MFSD2B: variants seen among roughly 807,000 people sequenced by gnomAD.
MFSD2B encodes the protein sphingosine-1-phosphate transporter MFSD2B.
MFSD2B carries 56 observed loss-of-function variants against 58.4 expected under a neutral mutation model. The observed-to-expected ratio is 0.96, with a 90% CI of 0.77 to 1.20. MFSD2B has a LOEUF of 1.20. Ranked by LOEUF, MFSD2B falls within the 50% of genes most tolerant of loss-of-function variation. The pLI is 0.00. For missense variants in MFSD2B, 645 were observed against 667.6 expected (o/e 0.97, Z 0.37); for synonymous variants, 287 against 294.4 (o/e 0.97, Z 0.26).
chr2:24,017,689 C>T lies in MFSD2B; in HGVS notation c.681+101C>T. 7.7e-7 allele frequency: 1 copy of T among 1,293,898 alleles called. No individual in the cohort carries two copies. The highest frequency in any genetic ancestry group is 1.0e-6 in the Non-Finnish European group (1 of 955,770). 80.2% of individuals were successfully genotyped at this position (1,293,898 alleles called of 1,614,324 possible). A position where few individuals can be genotyped will look rare whatever the true frequency, so the allele number is the denominator to read the frequency against. ...TCTCCCGTCCACACCACTTTGTTGT[C>T]TTTTAGGGGGCTCACTGTGCCCCCT... On this transcript the variant is annotated intron_variant, in intron 6 of 13. Coordinates refer to ENST00000338315, the MANE Select transcript of MFSD2B (RefSeq NM_001346880.2). The surrounding 1 kb of genome is among the most constrained non-coding windows in gnomAD (Gnocchi z 4.8).
In MFSD2B at chr2:24,017,069, C is replaced by A; in HGVS notation, c.471+101C>A. On this transcript the variant is annotated intron_variant, in intron 4 of 13. Transcript: ENST00000338315. This position sits in a 1 kb window ranked among gnomAD's most constrained non-coding sequence, Gnocchi z 4.8. ...GGGGGCAGGGCTGCCGCCCTCCCCA[C>A]CCGCCTGTGCCTGGACCATGCCATT... is the stretch of plus-strand genomic sequence containing the variant. The A allele has an allele frequency of 6.8e-7, 1 of 1,470,758 alleles. No homozygotes were observed. The highest frequency in any genetic ancestry group is 9.1e-7 in the Non-Finnish European group (1 of 1,095,960). 91.1% of individuals were successfully genotyped at this position (1,470,758 alleles called of 1,614,324 possible). A position where few individuals can be genotyped will look rare whatever the true frequency, so the allele number is the denominator to read the frequency against.
Position 24,017,246 on chromosome 2 carries a change from G to A in MFSD2B, c.472-40G>A, listed in dbSNP as rs757254240. On this transcript the variant is annotated intron_variant, in intron 4 of 13. Transcript: ENST00000338315. The surrounding 1 kb of genome is among the most constrained non-coding windows in gnomAD (Gnocchi z 4.8). Reference sequence around the variant, plus strand: ...GGGGGAGGTCGCCCGCTGTCACCAGGCAAAGCTGGGGGCGGTTCTAAGCTC... The same window carrying A: ...GGGGGAGGTCGCCCGCTGTCACCAGACAAAGCTGGGGGCGGTTCTAAGCTC... The A allele has an allele frequency of 2.6e-6, 4 of 1,554,982 alleles. No individual in the cohort carries two copies. The African/African-American group carries it at 4.1e-5, about 16-fold the overall frequency.
At chr2:24,025,354 C>T in intron 13 of MFSD2B, 78 bp from the exon 14 acceptor site, 1 of 1,387,528 alleles carries the variant, frequency 7.2e-7, no homozygotes, top group East Asian at 2.5e-5. Context: ...GCCACCAAAC[C>T]TTCCGCGGGC....
At position 24,022,573 on chromosome 2, in the gene MFSD2B, T is replaced by C. The variant is rs1662831774; in HGVS notation, c.978+57T>C. ...CACTTGGGGCCCTGAGCTGGGGACATGTGTGGTCCTTGATGTGACACATAT... is the reference window on the plus strand; with the variant it reads ...CACTTGGGGCCCTGAGCTGGGGACACGTGTGGTCCTTGATGTGACACATAT... On this transcript the variant is annotated intron_variant, in intron 9 of 13. Coordinates refer to ENST00000338315, the MANE Select transcript of MFSD2B (RefSeq NM_001346880.2). This position sits in a 1 kb window ranked among gnomAD's most constrained non-coding sequence, Gnocchi z 4.5. 7.2e-7 allele frequency: 1 copy of C among 1,391,584 alleles called. No homozygotes were observed. The highest frequency in any genetic ancestry group is 2.1e-5 in the Admixed American group (1 of 48,608). The allele number at this position is 1,391,584 out of a possible 1,614,324, so 86.2% of individuals were successfully genotyped here. A position where few individuals can be genotyped will look rare whatever the true frequency, so the allele number is the denominator to read the frequency against.
Position 24,020,416 on chromosome 2 carries a change from G to A in MFSD2B, c.682-1232G>A, listed in dbSNP as rs1444869842. On this transcript the variant is annotated intron_variant, in intron 6 of 13. Transcript: ENST00000338315. This position sits in a 1 kb window ranked among gnomAD's most constrained non-coding sequence, Gnocchi z 4.1. Reference sequence around the variant, plus strand: ...GAGGCCCAGGGCGGTTGCACAGGATGAGTGCCCTGCCCCACCCTGCGCCCT... The same window carrying A: ...GAGGCCCAGGGCGGTTGCACAGGATAAGTGCCCTGCCCCACCCTGCGCCCT... Among the ~76,000 whole-genome samples the A allele has an allele frequency of 6.6e-6, 1 of 152,112 alleles. No homozygotes were observed. Among genetic ancestry groups the A allele is most frequent in the Non-Finnish European group, 1.5e-5 (1 of 68,008 alleles).
rs1174447835 is a variant in MFSD2B, at chr2:24,021,269, C to T, written c.682-379C>T. On this transcript the variant is annotated intron_variant, in intron 6 of 13. Transcript: ENST00000338315. This position sits in a 1 kb window ranked among gnomAD's most constrained non-coding sequence, Gnocchi z 5.7. ...AACCACCTGCTCCTGGATCTGTCTT[C>T]CTCCCCACACTCTGAGCCCTGTGGA... Among the ~76,000 whole-genome samples, 1 of 152,220 alleles carries T rather than the reference C, an allele frequency of 6.6e-6. No individual in the cohort carries two copies. The highest frequency in any genetic ancestry group is 2.4e-5 in the African/African-American group (1 of 41,452).
At position 24,010,171 on chromosome 2, in the gene MFSD2B, G is replaced by C; in HGVS notation, c.75G>C (p.Gly25=). ...PEPHAPEPGP[G]SAKRGREDSR... is the part of the protein sequence containing the mutation. ...CGCACGCCCCAGAGCCCGGCCCGGG[G>C]AGCGCCAAGCGAGGGCGAGAGGTGA... The change falls in exon 1 of 14, where the codon GGG becomes GGC. Residue 25 remains glycine (G), a synonymous_variant. Coordinates refer to ENST00000338315, the MANE Select transcript of MFSD2B (RefSeq NM_001346880.2). 6 of 1,446,080 alleles carry C rather than the reference G, an allele frequency of 4.1e-6. No homozygotes were observed. The highest frequency in any genetic ancestry group is 4.5e-6 in the Non-Finnish European group (5 of 1,103,904). The allele number at this position is 1,446,080 out of a possible 1,614,324, so 89.6% of individuals were successfully genotyped here.
At chr2:24,025,043 G>T (rs1286186656) in intron 13 of MFSD2B, among the ~76,000 whole-genome samples, 2 of 152,202 alleles carry the variant, frequency 1.3e-5, no homozygotes, top group African/African-American at 4.8e-5. Context: ...GCATCACCAC[G>T]TCTGGTCCAG....
rs1044382895 is a variant in MFSD2B, at chr2:24,021,482, G to A, written c.682-166G>A. ...GTGGAAGGACCAGCCCGGGCCCGGA[G>A]AGCATGCTGTCCTGTGGGGTGATTG... On this transcript the variant is annotated intron_variant, in intron 6 of 13. Coordinates refer to ENST00000338315, the MANE Select transcript of MFSD2B (RefSeq NM_001346880.2). The surrounding 1 kb of genome is among the most constrained non-coding windows in gnomAD (Gnocchi z 5.7). The A allele has an allele frequency of 8.1e-6, 5 of 620,908 alleles. No homozygotes were observed. Among genetic ancestry groups the A allele is most frequent in the Non-Finnish European group, 1.4e-5 (5 of 346,502 alleles). The allele number at this position is 620,908 out of a possible 1,614,324, so 38.5% of individuals were successfully genotyped here.
intron 6 of MFSD2B, among the ~76,000 whole-genome samples, chr2:24,019,461 G>A (rs1436135658): frequency 7.2e-5 from 11 of 152,020 alleles, no homozygotes; most frequent in Non-Finnish European, 7.4e-5. Flanking sequence ...GGTGGCTCAC[G>A]CCTGTAATCC....
chr2:24,016,425 C>A, intron 3 of MFSD2B, 145 bp downstream of exon 3: 1 of 904,698 alleles, frequency 1.1e-6, no homozygotes, highest in Non-Finnish European at 1.7e-6. Flanking sequence ...TGGGGACTGA[C>A]TGTGAGTGAT....
Position 24,023,665 on chromosome 2 carries a change from T to A in MFSD2B, c.1252T>A (p.Tyr418Asn), listed in dbSNP as rs778314033. The change falls in exon 12 of 14, where the codon TAC becomes AAC. Residue 418 changes from tyrosine (Y) to asparagine (N), a missense_variant. Transcript: ENST00000338315. The surrounding 1 kb of genome is among the most constrained non-coding windows in gnomAD (Gnocchi z 5.0). ...PGLETIFYSSYVFFTKLSGAC... is the reference protein window; with the variant it reads ...PGLETIFYSSNVFFTKLSGAC... ...CCTGGAGACCATCTTCTACTCCTCC[T>A]ACGTCTTCTTCACCAAGCTGTCTGG... 91 of 1,613,828 alleles carry A rather than the reference T, an allele frequency of 5.6e-5. No homozygotes were observed. The highest frequency in any genetic ancestry group is 1.1e-5 in the Non-Finnish European group (13 of 1,179,838).
intron 3 of MFSD2B, 133 bp downstream of exon 3, chr2:24,016,413 A>G: frequency 1.0e-6 from 1 of 972,090 alleles, no homozygotes; most frequent in Non-Finnish European, 1.5e-6. Flanking sequence ...TCGCAGGTGC[A>G]CTGGGGACTG....
In MFSD2B at chr2:24,016,283, G is replaced by A. The variant is rs970130154; in HGVS notation, c.347+3G>A. ...GGGTCTGGACGGCTCATGCCTTGGT[G>A]AGCAACCGCTCAGTCCTTAGGATCC... On this transcript the variant is annotated splice_donor_region_variant and intron_variant, in intron 3 of 13. Coordinates refer to ENST00000338315, the MANE Select transcript of MFSD2B (RefSeq NM_001346880.2). The A allele has an allele frequency of 3.1e-6, 5 of 1,613,398 alleles. No individual in the cohort carries two copies. The highest frequency in any genetic ancestry group is 2.2e-5 in the East Asian group (1 of 44,874).
In MFSD2B at chr2:24,023,401, C is replaced by T. The variant is rs565717883; in HGVS notation, c.1169+162C>T. 15 of 860,878 alleles carry T rather than the reference C, an allele frequency of 1.7e-5. No homozygotes were observed. The highest frequency in any genetic ancestry group is 3.2e-4 in the Middle Eastern group (1 of 3,146). 53.3% of individuals were successfully genotyped at this position (860,878 alleles called of 1,614,324 possible). On this transcript the variant is annotated intron_variant, in intron 11 of 13. Coordinates refer to ENST00000338315, the MANE Select transcript of MFSD2B (RefSeq NM_001346880.2). This position sits in a 1 kb window ranked among gnomAD's most constrained non-coding sequence, Gnocchi z 5.0. ...AGAGGACATCAGGCAGTAGGAATGG[C>T]GGGGGGCCGGCAGGGGGCTGGCGGG...
rs960519614 is a variant in MFSD2B at position 24,023,900 on chromosome 2, G to A, written c.1313+174G>A. Among the ~76,000 whole-genome samples the A allele has an allele frequency of 6.6e-6, 1 of 152,142 alleles. No homozygotes were observed. The highest frequency in any genetic ancestry group is 1.5e-5 in the Non-Finnish European group (1 of 68,028). On this transcript the variant is annotated intron_variant, in intron 12 of 13. Transcript: ENST00000338315. The surrounding 1 kb of genome is among the most constrained non-coding windows in gnomAD (Gnocchi z 5.0). ...TTTCTCTGTGCATGAGACTGAGAGGGCCAGCTCCCCTATTCTCAGTTCCCT... is the reference window on the plus strand; with the variant it reads ...TTTCTCTGTGCATGAGACTGAGAGGACCAGCTCCCCTATTCTCAGTTCCCT...
chr2:24,021,912 G>A lies in MFSD2B; in HGVS notation c.836G>A (p.Arg279Gln), dbSNP rs373395037. The A allele has an allele frequency of 1.4e-5, 23 of 1,613,854 alleles. No homozygotes were observed. The highest frequency in any genetic ancestry group is 6.7e-5 in the East Asian group (3 of 44,894). Reference protein sequence around the residue: ...SFLAGLSLTTRHPPYLKLVIS... With the variant: ...SFLAGLSLTTQHPPYLKLVIS... ...CTGGCTGGGCTGAGCCTCACTACCCGGCACCCACCCTACCTGAAGCTGGTG... is the reference window on the plus strand; with the variant it reads ...CTGGCTGGGCTGAGCCTCACTACCCAGCACCCACCCTACCTGAAGCTGGTG... The change falls in exon 8 of 14, where the codon CGG becomes CAG. Residue 279 changes from arginine to glutamine, a missense_variant. Transcript: ENST00000338315. The surrounding 1 kb of genome is among the most constrained non-coding windows in gnomAD (Gnocchi z 5.7).
rs774158085 is a variant in MFSD2B at position 24,024,218 on chromosome 2, C to T, written c.1437C>T (p.Gly479=). The T allele has an allele frequency of 6.2e-7, 1 of 1,613,184 alleles. No individual in the cohort carries two copies. The highest frequency in any genetic ancestry group is 1.1e-5 in the South Asian group (1 of 90,926). Residue 479 remains glycine, a synonymous_variant, in exon 13 of 14, where the codon GGC becomes GGT. Coordinates refer to ENST00000338315, the MANE Select transcript of MFSD2B (RefSeq NM_001346880.2). This position sits in a 1 kb window ranked among gnomAD's most constrained non-coding sequence, Gnocchi z 4.3. ...CTGGGCTCTGCATCCTCATGGTCGG[C>T]TCCACTCCAAAGACACCCAGTCGGG... ...ILAGLCILMV[G]STPKTPSRDA...
rs1377995526 is a variant in MFSD2B, at chr2:24,024,162, A to AT, written c.1383dup (p.Gly462TrpfsTer79). On this transcript the variant is annotated frameshift_variant, in exon 13 of 14. Transcript: ENST00000338315. LOFTEE classifies it high-confidence loss of function. This position sits in a 1 kb window ranked among gnomAD's most constrained non-coding sequence, Gnocchi z 4.3. ...GGTGGTGGTCACCCTCAAAGTCCTC[A>AT]TTGGCGCCGTGCCCACCTGCATGAT... The AT allele has an allele frequency of 1.9e-6, 3 of 1,613,750 alleles. No individual in the cohort carries two copies. The highest frequency in any genetic ancestry group is 2.5e-6 in the Non-Finnish European group (3 of 1,179,838).
Sources: gnomAD v4.1 joint callset for allele counts (sites outside exome capture counted in the v4.1 genomes callset) on GRCh38, gnomAD v4.1.1 for gene constraint, Gnocchi (gnomAD v3.1) non-coding constraint, MANE v1.5 for transcripts, NCBI Gene and HGNC (gene_info 2026-07-23, HGNC 2026-07-21) for gene names.